The following SLC9C1 variants were observed in gnomAD, a reference collection of about 807,000 sequenced individuals.
SLC9C1 encodes solute carrier family 9 member C1.
Under a neutral mutation model 140.9 loss-of-function variants are expected in SLC9C1, and 97 were observed. The ratio of observed to expected loss-of-function variants is 0.69; its 90% CI spans 0.58 to 0.82. SLC9C1 has a LOEUF of 0.82. Ranked by LOEUF, SLC9C1 falls within the 40% of genes least tolerant of loss-of-function variation. SLC9C1 has a pLI of 0.00. For missense variants in SLC9C1, 1,340 were observed against 1,389.3 expected (o/e 0.96, Z 0.56); for synonymous variants, 440 against 442.6 (o/e 0.99, Z 0.07).
chr3:112,193,306 G>T (rs373465219), intron 20 of SLC9C1, among the ~76,000 whole-genome samples: 32 of 152,206 alleles, frequency 2.1e-4, no homozygotes, highest in African/African-American at 7.5e-4. Context: ...ATGGGCATGC[G>T]ACTATTTAGC....
intron 26 of SLC9C1, among the ~76,000 whole-genome samples, chr3:112,163,001 A>T (rs1560016450): frequency 8.4e-6 from 1 of 118,604 alleles, no homozygotes; most frequent in Non-Finnish European, 1.7e-5. Context: ...TAGTCTTGGG[A>T]GAGTGTATGT....
chr3:112,266,437 C>G (rs573349358), intron 7 of SLC9C1, 97 bp from the exon 8 acceptor site: 5 of 942,708 alleles, frequency 5.3e-6, no homozygotes, highest in Non-Finnish European at 6.3e-6. Context: ...GTGACAGTAC[C>G]ATGACTTTTA....
intron 10 of SLC9C1, among the ~76,000 whole-genome samples, chr3:112,250,482 C>T (rs1253873752): frequency 3.6e-5 from 5 of 140,316 alleles, no homozygotes; most frequent in African/African-American, 1.3e-4. Context: ...CCTGAGGAAT[C>T]ACCACACTGA....
At chr3:112,169,365 G>C (rs552774208) in intron 23 of SLC9C1, 37 bp from the exon 24 acceptor site, 1 of 1,583,106 alleles carries the variant, frequency 6.3e-7, no homozygotes, top group South Asian at 1.2e-5. Context: ...ATTTTATTTT[G>C]TGCACTATGG....
At chr3:112,245,132 T>C (rs2079245067) in intron 10 of SLC9C1, among the ~76,000 whole-genome samples, 1 of 152,220 alleles carries the variant, frequency 6.6e-6, no homozygotes, top group African/African-American at 2.4e-5. Context: ...TCTACTTCTG[T>C]AGATAAGAAT....
intron 23 of SLC9C1, among the ~76,000 whole-genome samples, chr3:112,175,039 G>C (rs2077310698): frequency 6.6e-6 from 1 of 152,212 alleles, no homozygotes; most frequent in Non-Finnish European, 1.5e-5. Context: ...AGCAAGGATA[G>C]CAACTCCCCT....
chr3:112,293,803 G>A (rs1349055653), intron 1 of SLC9C1, among the ~76,000 whole-genome samples: 1 of 152,148 alleles, frequency 6.6e-6, no homozygotes, highest in Non-Finnish European at 1.5e-5. Flanking sequence ...TTTCAGTAAC[G>A]CAAAGGGAAC....
intron 28 of SLC9C1, 90 bp from the exon 29 acceptor site, chr3:112,141,371 G>T: frequency 1.4e-6 from 2 of 1,392,758 alleles, no homozygotes; most frequent in Admixed American, 2.5e-5. Context: ...TGTACTAGAG[G>T]GTCAATTTGA....
chr3:112,190,232 T>C (rs1423160639), intron 20 of SLC9C1, among the ~76,000 whole-genome samples: 2 of 152,328 alleles, frequency 1.3e-5, no homozygotes, highest in East Asian at 1.9e-4. Context: ...TATTTCTTTC[T>C]CTTGACTGAT....
intron 11 of SLC9C1, among the ~76,000 whole-genome samples, chr3:112,241,905 A>G (rs561197172): frequency 1.2e-4 from 18 of 152,292 alleles, no homozygotes; most frequent in African/African-American, 4.1e-4. Context: ...TATGCAGAAC[A>G]ATGAAACTGG....
intron 28 of SLC9C1, among the ~76,000 whole-genome samples, chr3:112,142,803 T>TG (rs2074670817): frequency 1.3e-5 from 2 of 152,178 alleles, no homozygotes; most frequent in African/African-American, 4.8e-5. Flanking sequence ...TGCGTGATGC[T>TG]GGGCTTAGGA....
chr3:112,234,979 T>G (rs112464592), intron 12 of SLC9C1, among the ~76,000 whole-genome samples: 88,923 of 150,760 alleles, frequency 0.59, 26,784 homozygotes, highest in East Asian at 0.79. Context: ...TGGTTCCACA[T>G]GAACTTCAAA....
At position 112,251,326 on chromosome 3, in the gene SLC9C1, G is replaced by A. The variant is rs151124582; in HGVS notation, c.1198-7250C>T. Among the ~76,000 whole-genome samples, 367 of 152,108 alleles carry A rather than the reference G, an allele frequency of 2.4e-3. 3 individuals are homozygous for A. The highest frequency in any genetic ancestry group is 0.013 in the East Asian group (66 of 5,176). On this transcript the variant is annotated intron_variant, in intron 10 of 28. Coordinates refer to ENST00000305815, the MANE Select transcript of SLC9C1 (RefSeq NM_183061.3). The stretch of plus-strand genomic sequence containing the variant: ...AAGTGGTGTGTGAGTGACTGATTCC[G>A]GGCACCCATTCTTCTCCCATGGATC...
Position 112,264,298 on chromosome 3 carries a change from A to C in SLC9C1, c.924T>G (p.Thr308=), listed in dbSNP as rs775286246. The stretch of plus-strand genomic sequence containing the variant: ...GTGCAGGAATTAGAAGTCCAAAGAA[A>C]GTAAACACCATGAGAAAAGCAATAC... ...LSRIAFLMVF[T]FFGLLIPAHT... Residue 308 remains threonine (T), a synonymous_variant, in exon 9 of 29, where the codon ACT becomes ACG. Transcript: ENST00000305815. 6.7e-7 allele frequency: 1 copy of C among 1,488,366 alleles called. No individual in the cohort carries two copies. 92.2% of individuals were successfully genotyped at this position (1,488,366 alleles called of 1,614,324 possible).
Position 112,274,924 on chromosome 3 carries a change from G to C in SLC9C1, c.586C>G (p.Leu196Val), listed in dbSNP as rs879161819. Residue 196 changes from leucine to valine, a missense_variant, in exon 6 of 29, where the codon CTA becomes GTA. Coordinates refer to ENST00000305815, the MANE Select transcript of SLC9C1 (RefSeq NM_183061.3). ...FTSIMDFDQR[L>V]QSKRNHTLAE... ...AAGGTATGGTTTCTTTTACTTTGTA[G>C]TCTTTGGTCAAAATCCATAATACTA... 7.7e-6 allele frequency: 12 copies of C among 1,563,462 alleles called. No individual in the cohort carries two copies. The South Asian group carries it at 1.5e-4, about 19-fold the overall frequency.
chr3:112,266,368 G>A, intron 7 of SLC9C1, 28 bp from the exon 8 acceptor site: 4 of 1,506,294 alleles, frequency 2.7e-6, no homozygotes, highest in Non-Finnish European at 2.7e-6. Context: ...TAAATATAAA[G>A]TATTAATTTA....
intron 12 of SLC9C1, among the ~76,000 whole-genome samples, chr3:112,237,155 T>A (rs2079010848): frequency 6.6e-6 from 1 of 152,346 alleles, no homozygotes; most frequent in South Asian, 2.1e-4. Flanking sequence ...GCTCCTGTAT[T>A]GGGTGCATAT....
chr3:112,281,100 G>C (rs2080346013), intron 2 of SLC9C1, among the ~76,000 whole-genome samples: 1 of 152,162 alleles, frequency 6.6e-6, no homozygotes, highest in African/African-American at 2.4e-5. Context: ...TCAGAGATTA[G>C]TTTCTTTAGC....
rs2074951631 is a variant in SLC9C1 at position 112,150,840 on chromosome 3, A to AAATACACATATATATATATATATATATTT, written c.3524+1016_3524+1017insAAATATATATATATATATATATGTGTATT. On this transcript the variant is annotated intron_variant, in intron 28 of 28. Coordinates refer to ENST00000305815, the MANE Select transcript of SLC9C1 (RefSeq NM_183061.3). The stretch of plus-strand genomic sequence containing the variant: ...CATATACATATATATATATATATAT[A>AAATACACATATATATATATATATATATTT]TTTTTTTTTTTTTTTGAGATGAAGT... 2.9e-3 allele frequency among the ~76,000 whole-genome samples: 167 copies of AAATACACATATATATATATATATATATTT among 57,312 alleles called. 1 individual carries two copies. Among genetic ancestry groups the AAATACACATATATATATATATATATATTT allele is most frequent in the African/African-American group, 0.011 (149 of 13,996 alleles). The allele number at this position is 57,312 out of a possible 152,430, so 37.6% of individuals were successfully genotyped here.
Sources: gnomAD v4.1 joint callset for allele counts (sites outside exome capture counted in the v4.1 genomes callset) on GRCh38, gnomAD v4.1.1 for gene constraint, MANE v1.5 for transcripts, NCBI Gene and HGNC (gene_info 2026-07-23, HGNC 2026-07-21) for gene names.